AKT3: variants seen among roughly 807,000 people sequenced by gnomAD.
AKT3 encodes AKT serine/threonine kinase 3, also known as RAC-gamma serine/threonine-protein kinase.
In AKT3, 15 loss-of-function variants were observed where a neutral mutation model predicts 65.3. The ratio of observed to expected loss-of-function variants is 0.23; its 90% CI spans 0.15 to 0.35. The LOEUF (loss-of-function observed/expected upper bound fraction) is 0.35, where lower values mean the gene tolerates loss of function less well. Among genes scored for constraint, AKT3 ranks in the 10% least tolerant of loss-of-function variants. The probability of loss-of-function intolerance (pLI) is 1.00; values close to 1 mark genes in which losing one functional copy is unlikely to be tolerated. For synonymous variants in AKT3, 206 were observed against 183.8 expected (o/e 1.12, Z -0.98); for missense variants, 243 against 576.5 (o/e 0.42, Z 5.92).
intron 6 of AKT3, among the ~76,000 whole-genome samples, chr1:243,622,574 A>G (rs1419353268): frequency 6.6e-6 from 1 of 152,228 alleles, no homozygotes; most frequent in Non-Finnish European, 1.5e-5. Flanking sequence ...TGTTCGACAT[A>G]TATTTATTGA....
Position 243,500,291 on chromosome 1 carries a change from C to CTACTT in AKT3, c.*4953_*4957dup, listed in dbSNP as rs1472874039. ...GACTCCATTTTATTTATTTATCGTC[C>CTACTT]TACTTTGTGCACAATCAATCAATCA... is the stretch of plus-strand genomic sequence containing the variant. On this transcript the variant is annotated 3_prime_UTR_variant, in exon 14 of 14. Transcript: ENST00000673466. 9.6e-6 allele frequency: 2 copies of CTACTT among 209,038 alleles called. No individual in the cohort carries two copies. Among genetic ancestry groups the CTACTT allele is most frequent in the Non-Finnish European group, 1.8e-5 (2 of 112,440 alleles). 12.9% of individuals were successfully genotyped at this position (209,038 alleles called of 1,614,324 possible). A position where few individuals can be genotyped will look rare whatever the true frequency, so the allele number is the denominator to read the frequency against.
chr1:243,651,454 G>T (rs1681319710), intron 4 of AKT3, among the ~76,000 whole-genome samples: 1 of 152,136 alleles, frequency 6.6e-6, no homozygotes, highest in Non-Finnish European at 1.5e-5. Context: ...GTGAGAGGGG[G>T]CATCCTTGTA....
At chr1:243,724,245 GA>G (rs74849601) in intron 2 of AKT3, among the ~76,000 whole-genome samples, 2,110 of 126,184 alleles carry the variant, frequency 0.017, 14 homozygotes, top group African/African-American at 0.042. Context: ...AAATTGAGGG[GA>G]AAAAAAAAAA....
At chr1:243,832,945 T>C (rs1694632172) in intron 2 of AKT3, among the ~76,000 whole-genome samples, 1 of 152,172 alleles carries the variant, frequency 6.6e-6, no homozygotes, top group African/African-American at 2.4e-5. Context: ...GCTGTATTTG[T>C]CCATTTTCAT....
rs33995513 is a variant in AKT3, at chr1:243,552,288, C to CAAAAAAAAAAAAAAAAAAAA, written c.1163+421_1163+440dup. On this transcript the variant is annotated intron_variant, in intron 11 of 13. Coordinates refer to ENST00000673466, the MANE Select transcript of AKT3 (RefSeq NM_005465.7). ...TGGGTGGCAGAGTGAGACTCTGTCT[C>CAAAAAAAAAAAAAAAAAAAA]AAAAAAAAAAAAAAAAAAAAAAAAA... Among the ~76,000 whole-genome samples the CAAAAAAAAAAAAAAAAAAAA allele has an allele frequency of 4.0e-5, 2 of 50,168 alleles. 1 individual carries two copies. The highest frequency in any genetic ancestry group is 2.0e-4 in the African/African-American group (2 of 9,968). The allele number at this position is 50,168 out of a possible 152,430, so 32.9% of individuals were successfully genotyped here.
intron 11 of AKT3, among the ~76,000 whole-genome samples, chr1:243,548,523 AAT>A (rs1672828819): frequency 6.6e-6 from 1 of 152,204 alleles, no homozygotes; most frequent in African/African-American, 2.4e-5. Context: ...ACACTTCTTC[AAT>A]GTGTGAAACT....
intron 4 of AKT3, among the ~76,000 whole-genome samples, chr1:243,649,040 T>C (rs1183908402): frequency 6.6e-6 from 1 of 152,104 alleles, no homozygotes; most frequent in African/African-American, 2.4e-5. Flanking sequence ...AGGCTACAAA[T>C]TTCCTTCTAA....
At chr1:243,620,520 A>C (rs953622351) in intron 6 of AKT3, among the ~76,000 whole-genome samples, 10 of 122,318 alleles carry the variant, frequency 8.2e-5, no homozygotes, top group African/African-American at 2.5e-4. Flanking sequence ...TTAGCAATGT[A>C]TACTTTTTTT....
chr1:243,515,074 G>A (rs539810041), intron 12 of AKT3, among the ~76,000 whole-genome samples: 3 of 152,176 alleles, frequency 2.0e-5, no homozygotes, highest in Admixed American at 1.3e-4. Context: ...TATCTGGCTT[G>A]TTCATTTAGC....
intron 2 of AKT3, among the ~76,000 whole-genome samples, chr1:243,784,233 C>A (rs554971423): frequency 1.3e-5 from 2 of 151,992 alleles, no homozygotes; most frequent in African/African-American, 4.8e-5. Context: ...AAAGAGGAGA[C>A]CAGGCAAGTG....
At chr1:243,824,983 C>T (rs547665406) in intron 2 of AKT3, among the ~76,000 whole-genome samples, 1 of 152,238 alleles carries the variant, frequency 6.6e-6, no homozygotes, top group African/African-American at 2.4e-5. Context: ...TTCCTGATAG[C>T]AAAGACATGG....
At chr1:243,820,642 C>A (rs1372694130) in intron 2 of AKT3, among the ~76,000 whole-genome samples, 1 of 152,128 alleles carries the variant, frequency 6.6e-6, no homozygotes, top group Non-Finnish European at 1.5e-5. Flanking sequence ...AACACGAGAA[C>A]TTCACAATGG....
chr1:243,559,142 T>C (rs1282557644), intron 10 of AKT3, among the ~76,000 whole-genome samples: 1 of 152,050 alleles, frequency 6.6e-6, no homozygotes, highest in African/African-American at 2.4e-5. Flanking sequence ...AAAAACAAAA[T>C]CCCCTCAAGA....
intron 5 of AKT3, among the ~76,000 whole-genome samples, chr1:243,642,421 T>TGC (rs1680475739): frequency 6.6e-6 from 1 of 152,216 alleles, no homozygotes; most frequent in Non-Finnish European, 1.5e-5. Context: ...GACATTCTCC[T>TGC]GCCTCAGCCT....
intron 2 of AKT3, among the ~76,000 whole-genome samples, chr1:243,764,430 A>G (rs1231825964): frequency 1.3e-5 from 2 of 152,096 alleles, no homozygotes; most frequent in African/African-American, 4.8e-5. Flanking sequence ...TCAGTGAAAC[A>G]CTGTGTACTG....
rs1669511358 is a variant in AKT3, at chr1:243,503,986, G to C, written c.*1263C>G. On this transcript the variant is annotated 3_prime_UTR_variant, in exon 14 of 14. Coordinates refer to ENST00000673466, the MANE Select transcript of AKT3 (RefSeq NM_005465.7). Reference sequence around the variant, plus strand: ...TAACCCCTTGGCATGCATAGTTGGGGATTTTCTCATTTTCAGTACCAAGGG... The same window carrying C: ...TAACCCCTTGGCATGCATAGTTGGGCATTTTCTCATTTTCAGTACCAAGGG... 4.4e-6 allele frequency: 1 copy of C among 225,420 alleles called. No homozygotes were observed. The highest frequency in any genetic ancestry group is 6.5e-5 in the East Asian group (1 of 15,468). 14.0% of individuals were successfully genotyped at this position (225,420 alleles called of 1,614,324 possible). A position where few individuals can be genotyped will look rare whatever the true frequency, so the allele number is the denominator to read the frequency against.
chr1:243,754,970 A>G (rs2148221958), intron 2 of AKT3, among the ~76,000 whole-genome samples: 1 of 152,334 alleles, frequency 6.6e-6, no homozygotes, highest in East Asian at 1.9e-4. Flanking sequence ...CAAGAACCCT[A>G]TTTTGACTTA....
chr1:243,681,524 C>T (rs1267780213), intron 3 of AKT3, among the ~76,000 whole-genome samples: 1 of 152,130 alleles, frequency 6.6e-6, no homozygotes, highest in South Asian at 2.1e-4. Flanking sequence ...CCATCTACGA[C>T]ATCTATATTT....
At chr1:243,732,526 A>G (rs949643213) in intron 2 of AKT3, among the ~76,000 whole-genome samples, 3 of 152,252 alleles carry the variant, frequency 2.0e-5, no homozygotes, top group Non-Finnish European at 2.9e-5. Context: ...GAGTTGTTAT[A>G]TAACACACTG....
Sources: gnomAD v4.1 joint callset for allele counts (sites outside exome capture counted in the v4.1 genomes callset) on GRCh38, gnomAD v4.1.1 for gene constraint, MANE v1.5 for transcripts, NCBI Gene and HGNC (gene_info 2026-07-23, HGNC 2026-07-21) for gene names.